ALDH1L2: variants seen among roughly 807,000 people sequenced by gnomAD.
ALDH1L2 encodes the protein aldehyde dehydrogenase 1 family member L2, also known as mitochondrial 10-formyltetrahydrofolate dehydrogenase.
Under a neutral mutation model 111.0 loss-of-function variants are expected in ALDH1L2, and 91 were observed. The ratio of observed to expected loss-of-function variants is 0.82; its 90% CI spans 0.69 to 0.98. The LOEUF is 0.98. ALDH1L2 is among the 50% of genes least tolerant of loss of function. The pLI is 0.00. For synonymous variants in ALDH1L2, 374 were observed against 392.6 expected (o/e 0.95, Z 0.56); for missense variants, 995 against 1,126.8 (o/e 0.88, Z 1.67).
Position 105,022,551 on chromosome 12 carries a change from C to T in ALDH1L2, c.*1873G>A, listed in dbSNP as rs1483271141. On this transcript the variant is annotated 3_prime_UTR_variant, in exon 23 of 23. Coordinates refer to ENST00000258494, the MANE Select transcript of ALDH1L2 (RefSeq NM_001034173.4). Reference sequence around the variant, plus strand: ...AATCATATTCTAAATCACATGAAATCAGTTAAAACATTTCACTTAAAAGTG... The same window carrying T: ...AATCATATTCTAAATCACATGAAATTAGTTAAAACATTTCACTTAAAAGTG... The T allele has an allele frequency of 6.6e-6, 1 of 152,154 alleles. No homozygotes were observed. The highest frequency in any genetic ancestry group is 1.5e-5 in the Non-Finnish European group (1 of 68,038). The allele number at this position is 152,154 out of a possible 1,614,324, so 9.4% of individuals were successfully genotyped here. A position where few individuals can be genotyped will look rare whatever the true frequency, so the allele number is the denominator to read the frequency against.
chr12:105,048,906 C>T (rs1017230356), intron 13 of ALDH1L2, among the ~76,000 whole-genome samples: 1 of 151,376 alleles, frequency 6.6e-6, no homozygotes, highest in Non-Finnish European at 1.5e-5. Context: ...TGGTGCACAC[C>T]TGTAATCCCA....
At chr12:105,030,255 C>T in intron 21 of ALDH1L2, 69 bp downstream of exon 21, 1 of 1,195,568 alleles carries the variant, frequency 8.4e-7, no homozygotes, top group African/African-American at 1.5e-5. Flanking sequence ...GTGTATATAG[C>T]ACAGTGGCAA....
At position 105,031,900 on chromosome 12, in the gene ALDH1L2, G is replaced by A. The variant is rs1235467135; in HGVS notation, c.2279C>T (p.Pro760Leu). ...EEIKKMKIGDPLDRSTDHGPQ... is the reference protein window; with the variant it reads ...EEIKKMKIGDLLDRSTDHGPQ... ...CCCATGATCAGTGGATCTGTCAAGT[G>A]GATCACCAATTTTCATCTTTTTAAT... The change falls in exon 20 of 23, where the codon CCA (proline) becomes CTA (leucine). Residue 760 changes from proline (P) to leucine (L), a missense_variant. Coordinates refer to ENST00000258494, the MANE Select transcript of ALDH1L2 (RefSeq NM_001034173.4). The A allele has an allele frequency of 6.2e-7, 1 of 1,613,964 alleles. No individual in the cohort carries two copies. The highest frequency in any genetic ancestry group is 8.5e-7 in the Non-Finnish European group (1 of 1,180,012).
At chr12:105,029,681 T>C (rs1874600562) in intron 21 of ALDH1L2, among the ~76,000 whole-genome samples, 1 of 152,220 alleles carries the variant, frequency 6.6e-6, no homozygotes, top group Non-Finnish European at 1.5e-5. Context: ...AGAAAGTCTA[T>C]TCTTTATTTT....
At chr12:105,050,892 A>T (rs905934718) in intron 12 of ALDH1L2, among the ~76,000 whole-genome samples, 2 of 152,206 alleles carry the variant, frequency 1.3e-5, no homozygotes, top group Middle Eastern at 6.8e-3. Context: ...CCCATGACAC[A>T]TGGGAATTAT....
intron 1 of ALDH1L2, among the ~76,000 whole-genome samples, chr12:105,076,142 A>AAT (rs762441154): frequency 4.6e-5 from 7 of 152,182 alleles, no homozygotes; most frequent in Non-Finnish European, 8.8e-5. Context: ...ACATGTTTAA[A>AAT]ATGTGGATTC....
chr12:105,038,126 C>A lies in ALDH1L2; in HGVS notation c.2122G>T (p.Glu708Ter). The change falls in exon 18 of 23, where the codon GAA becomes TAA. Residue 708 changes from glutamate to a stop codon, truncating the protein, a stop_gained. Transcript: ENST00000258494. LOFTEE classifies it high-confidence loss of function. The stretch of plus-strand genomic sequence containing the variant: ...ACCATTCGCACAGCCTTGTCAAGTT[C>A]ACAGTCATTAAATATTATAAGTGGA... ...KSPLIIFNDC[E>*]LDKAVRMGMG... 1 of 1,613,652 alleles carries A rather than the reference C, an allele frequency of 6.2e-7. No individual in the cohort carries two copies. The highest frequency in any genetic ancestry group is 1.1e-5 in the South Asian group (1 of 91,054).
rs1019760074 is a variant in ALDH1L2, at chr12:105,046,916, G to T, written c.1740C>A (p.Thr580=). 1 of 1,613,978 alleles carries T rather than the reference G, an allele frequency of 6.2e-7. No homozygotes were observed. Among genetic ancestry groups the T allele is most frequent in the Admixed American group, 1.7e-5 (1 of 60,010 alleles). The change falls in exon 14 of 23, where the codon ACC becomes ACA. Residue 580 remains threonine (T), a synonymous_variant. Transcript: ENST00000258494. ...TATCTTACCCGAGTGGCTCTTTCTT[G>T]GTGAAGGTCAGATTGCGATTTGGAC... is the stretch of plus-strand genomic sequence containing the variant. ...QARPNRNLTF[T]KKEPLGVCAI... is the part of the protein sequence containing the mutation.
chr12:105,079,551 A>G (rs1489144335), intron 1 of ALDH1L2, among the ~76,000 whole-genome samples: 2 of 152,210 alleles, frequency 1.3e-5, no homozygotes, highest in East Asian at 3.8e-4. Context: ...TGGTGACCAC[A>G]GAACACTTCA....
chr12:105,054,361 T>C (rs1455069757), intron 10 of ALDH1L2, among the ~76,000 whole-genome samples: 3 of 152,214 alleles, frequency 2.0e-5, no homozygotes, highest in African/African-American at 7.2e-5. Flanking sequence ...CTAGAAAATA[T>C]TGTTAAAAAA....
At chr12:105,058,350 T>C in intron 9 of ALDH1L2, 130 bp from the exon 10 acceptor site, 1 of 884,216 alleles carries the variant, frequency 1.1e-6, no homozygotes. Context: ...CTATGAGATC[T>C]TCTGTGATAC....
intron 15 of ALDH1L2, among the ~76,000 whole-genome samples, chr12:105,041,355 T>C (rs1326333553): frequency 6.6e-6 from 1 of 152,248 alleles, no homozygotes; most frequent in African/African-American, 2.4e-5. Flanking sequence ...TTTGCATGGT[T>C]AGATTCAAGT....
rs1253976651 is a variant in ALDH1L2 at position 105,058,177 on chromosome 12, G to T, written c.1183C>A (p.Gln395Lys). 1 of 1,611,120 alleles carries T rather than the reference G, an allele frequency of 6.2e-7. No homozygotes were observed. Among genetic ancestry groups the T allele is most frequent in the South Asian group, 1.1e-5 (1 of 90,316 alleles). ...GTGGCCATATAGACATCTTCATTCTGCAACTGAAGCCCACCACATTTCTGT... is the reference window on the plus strand; with the variant it reads ...GTGGCCATATAGACATCTTCATTCTTCAACTGAAGCCCACCACATTTCTGT... The part of the protein sequence containing the change: ...IRQKCGGLQL[Q>K]NEDVYMATKF... Residue 395 changes from glutamine (Q) to lysine (K), a missense_variant, in exon 10 of 23, where the codon CAG (glutamine) becomes AAG (lysine). Physicochemically the swap from Gln to Lys is moderately conservative, Grantham distance 53. Transcript: ENST00000258494.
intron 2 of ALDH1L2, 74 bp from the exon 3 acceptor site, chr12:105,070,878 A>C: frequency 8.2e-7 from 1 of 1,213,164 alleles, no homozygotes; most frequent in Non-Finnish European, 1.2e-6. Context: ...CATATGTTGT[A>C]ATTTTACAGT....
chr12:105,079,287 T>A (rs1384468210), intron 1 of ALDH1L2, among the ~76,000 whole-genome samples: 4 of 152,324 alleles, frequency 2.6e-5, no homozygotes, highest in South Asian at 2.1e-4. Context: ...ACACTTTACA[T>A]AGAGGTAGAT....
chr12:105,061,301 T>C (rs1294900327), intron 8 of ALDH1L2, among the ~76,000 whole-genome samples: 1 of 152,100 alleles, frequency 6.6e-6, no homozygotes, highest in African/African-American at 2.4e-5. Flanking sequence ...TCCACGCCAT[T>C]CTACATGCTC....
chr12:105,032,074 GT>G (rs201142279), intron 19 of ALDH1L2, 140 bp from the exon 20 acceptor site: 62,305 of 523,664 alleles, frequency 0.12, 1,335 homozygotes, highest in East Asian at 0.3. Flanking sequence ...TAGGTGGTTG[GT>G]TTTTTTTTTT....
chr12:105,032,437 C>T (rs1874762416), intron 19 of ALDH1L2, among the ~76,000 whole-genome samples: 1 of 152,068 alleles, frequency 6.6e-6, no homozygotes, highest in Non-Finnish European at 1.5e-5. Context: ...TGGGGTTTCT[C>T]CATGTTGGTC....
chr12:105,047,156 A>G (rs568352638), intron 13 of ALDH1L2, among the ~76,000 whole-genome samples, 187 bp from the exon 14 acceptor site: 1 of 152,364 alleles, frequency 6.6e-6, no homozygotes, highest in East Asian at 1.9e-4. Flanking sequence ...ACCATGAAAC[A>G]CAGAAGAATA....
Sources: gnomAD v4.1 joint callset for allele counts (sites outside exome capture counted in the v4.1 genomes callset) on GRCh38, gnomAD v4.1.1 for gene constraint, MANE v1.5 for transcripts, NCBI Gene and HGNC (gene_info 2026-07-23, HGNC 2026-07-21) for gene names.